SUGCT: variants seen among roughly 807,000 people sequenced by gnomAD.
SUGCT encodes the protein succinyl-CoA:glutarate CoA-transferase.
SUGCT carries 41 observed loss-of-function variants against 55.0 expected under a neutral mutation model. The ratio of observed to expected loss-of-function variants is 0.74; its 90% CI spans 0.58 to 0.97. SUGCT has a LOEUF of 0.97. Ranked by LOEUF, SUGCT falls within the 50% of genes least tolerant of loss-of-function variation. The probability of loss-of-function intolerance (pLI) is 0.00; values close to 1 mark genes in which losing one functional copy is unlikely to be tolerated. For missense variants in SUGCT, 568 were observed against 547.8 expected, an observed-to-expected ratio of 1.04 and a Z score of -0.37; for synonymous variants, 187 against 200.4, an observed-to-expected ratio of 0.93 and a Z score of 0.56.
chr7:40,912,902 T>C, the SUGCT span, among the ~76,000 whole-genome samples: 1 of 152,122 alleles, frequency 6.6e-6, no homozygotes, highest in Non-Finnish European at 1.5e-5. Flanking sequence ...GCTGTTTAGA[T>C]ACTTGATGCA....
the SUGCT span, among the ~76,000 whole-genome samples, chr7:40,931,935 C>T: frequency 6.6e-6 from 1 of 152,206 alleles, no homozygotes; most frequent in East Asian, 1.9e-4. Flanking sequence ...CAGTTCTGTT[C>T]TGATCTTAGT....
the SUGCT span, among the ~76,000 whole-genome samples, chr7:40,952,814 A>G: frequency 6.6e-6 from 1 of 152,202 alleles, no homozygotes; most frequent in African/African-American, 2.4e-5. Flanking sequence ...GTTTCTGCTG[A>G]CAGATCCACT....
chr7:40,447,469 A>G (rs1451709406), intron 9 of SUGCT, among the ~76,000 whole-genome samples: 1 of 152,098 alleles, frequency 6.6e-6, no homozygotes, highest in African/African-American at 2.4e-5. Context: ...GAGGGTTCAA[A>G]AAGTATAGTT....
intron 9 of SUGCT, among the ~76,000 whole-genome samples, chr7:40,444,737 C>G (rs1053494012): frequency 5.3e-5 from 8 of 152,110 alleles, no homozygotes; most frequent in African/African-American, 1.9e-4. Context: ...CCTGATTGCC[C>G]TGGCCAGAAC....
the SUGCT span, among the ~76,000 whole-genome samples, chr7:41,016,457 T>C: frequency 5.3e-5 from 8 of 152,182 alleles, no homozygotes; most frequent in Non-Finnish European, 8.8e-5. Context: ...CTCTCTTGAT[T>C]TTAATTCATA....
At chr7:40,622,365 C>G (rs1273117532) in intron 12 of SUGCT, among the ~76,000 whole-genome samples, 1 of 152,054 alleles carries the variant, frequency 6.6e-6, no homozygotes, top group East Asian at 1.9e-4. Context: ...TTCAGCAGTT[C>G]CTGGGAGAGG....
chr7:40,721,165 C>G (rs1308949059), intron 12 of SUGCT, among the ~76,000 whole-genome samples: 1 of 152,194 alleles, frequency 6.6e-6, no homozygotes, highest in African/African-American at 2.4e-5. Context: ...AGAACCCAAA[C>G]AGTCCACTAT....
intron 11 of SUGCT, among the ~76,000 whole-genome samples, chr7:40,462,837 T>G (rs1789876900): frequency 6.6e-6 from 1 of 152,356 alleles, no homozygotes; most frequent in Admixed American, 6.5e-5. Context: ...GAACTATTAC[T>G]TAACACATTT....
downstream of SUGCT, among the ~76,000 whole-genome samples, chr7:40,863,654 C>G (rs1794532163): frequency 6.6e-6 from 1 of 152,140 alleles, no homozygotes; most frequent in Non-Finnish European, 1.5e-5. Flanking sequence ...CATACCCTAA[C>G]CCTGGGCTAT....
intron 12 of SUGCT, among the ~76,000 whole-genome samples, chr7:40,518,474 A>G (rs145539285): frequency 4.6e-5 from 7 of 152,182 alleles, no homozygotes; most frequent in South Asian, 2.1e-4. Flanking sequence ...ACCAAGTGGG[A>G]ATAATAGAAT....
At chr7:40,461,570 AC>A (rs1440955055) in intron 11 of SUGCT, among the ~76,000 whole-genome samples, 1 of 152,188 alleles carries the variant, frequency 6.6e-6, no homozygotes, top group African/African-American at 2.4e-5. Context: ...TTAGGAAAGA[AC>A]ATTGTCCTTT....
At chr7:40,900,732 A>G in the SUGCT span, among the ~76,000 whole-genome samples, 1 of 152,238 alleles carries the variant, frequency 6.6e-6, no homozygotes, top group South Asian at 2.1e-4. Context: ...TAGAAGCTGC[A>G]TTTCCGCAAG....
intron 1 of SUGCT, among the ~76,000 whole-genome samples, chr7:40,177,554 G>A (rs1489801856): frequency 6.6e-6 from 1 of 151,916 alleles, no homozygotes; most frequent in Non-Finnish European, 1.5e-5. Flanking sequence ...TGATTACATT[G>A]CTGCTCATGT....
intron 1 of SUGCT, among the ~76,000 whole-genome samples, chr7:40,165,583 T>A (rs1008031802): frequency 6.6e-6 from 1 of 152,188 alleles, no homozygotes; most frequent in Non-Finnish European, 1.5e-5. Flanking sequence ...AATTTATGCC[T>A]TTTCCAACTG....
intron 1 of SUGCT, among the ~76,000 whole-genome samples, chr7:40,155,154 G>A (rs556383743): frequency 6.0e-4 from 92 of 152,082 alleles, no homozygotes; most frequent in Middle Eastern, 3.4e-3. Context: ...GTGTAGTGGC[G>A]CATGCCTGTA....
At chr7:40,901,835 A>G in the SUGCT span, among the ~76,000 whole-genome samples, 717 of 152,368 alleles carry the variant, frequency 4.7e-3, 8 homozygotes, top group African/African-American at 0.013. Flanking sequence ...TGTTGGATAT[A>G]TTTTAAGATT....
rs1213230283 is a variant in SUGCT at position 40,807,932 on chromosome 7, C to A, written c.1154-52384C>A. On this transcript the variant is annotated intron_variant, in intron 13 of 13. Transcript: ENST00000335693. ...TAAACCAGTCTAGCCTTTTTATGTT[C>A]TTTTGCCTGCTTTTATTCTGGCCTC... Among the ~76,000 whole-genome samples the A allele has an allele frequency of 2.0e-5, 3 of 152,128 alleles. No homozygotes were observed. The East Asian group carries it at 5.8e-4, about 29-fold the overall frequency.
intron 12 of SUGCT, among the ~76,000 whole-genome samples, chr7:40,655,894 A>G (rs929768481): frequency 2.0e-5 from 3 of 152,188 alleles, no homozygotes; most frequent in Non-Finnish European, 2.9e-5. Context: ...TTTAGGTTGT[A>G]GGCTATATTG....
chr7:41,030,407 T>G, the SUGCT span, among the ~76,000 whole-genome samples: 1 of 152,222 alleles, frequency 6.6e-6, no homozygotes, highest in East Asian at 1.9e-4. Flanking sequence ...CATTTAACCC[T>G]TCTGATTTTT....
Sources: allele counts gnomAD v4.1 joint callset (sites outside exome capture counted in the v4.1 genomes callset), GRCh38; gene constraint gnomAD v4.1.1; transcripts MANE v1.5; gene names NCBI Gene and HGNC (gene_info 2026-07-23, HGNC 2026-07-21).